The following CSN3 variants were observed in gnomAD, a reference collection of about 807,000 sequenced individuals.
CSN3 encodes kappa-casein.
A neutral mutation model predicts 9.9 loss-of-function variants in CSN3; 7 were observed. The ratio of observed to expected loss-of-function variants is 0.71; its 90% confidence interval spans 0.40 to 1.33. CSN3 has a LOEUF of 1.33. CSN3 is among the 40% of genes most tolerant of loss of function. CSN3 has a pLI of 0.01. For synonymous variants in CSN3, 88 were observed against 82.3 expected (o/e 1.07, Z -0.37); for missense variants, 253 against 227.9 (o/e 1.11, Z -0.71).
chr4:70,247,072 G>C (rs1730392601), intron 2 of CSN3, among the ~76,000 whole-genome samples: 5 of 152,018 alleles, frequency 3.3e-5, no homozygotes, highest in African/African-American at 1.2e-4. Flanking sequence ...TCAATTTTCT[G>C]ATTTTCTATA....
At chr4:70,247,909 G>T (rs1489698717) in intron 3 of CSN3, 59 bp downstream of exon 3, 2 of 1,324,770 alleles carry the variant, frequency 1.5e-6, no homozygotes, top group African/African-American at 3.0e-5. Context: ...ATTCTGCAAA[G>T]GTCAATTGTA....
At chr4:70,247,764 T>TTTTTTTTC in intron 2 of CSN3, 54 bp from the exon 3 acceptor site, 1 of 1,407,842 alleles carries the variant, frequency 7.1e-7, no homozygotes. Flanking sequence ...TTTAAGTACT[T>TTTTTTTTC]TTTTTTTCTT....
intron 3 of CSN3, among the ~76,000 whole-genome samples, 195 bp from the exon 4 acceptor site, chr4:70,248,803 A>G (rs571395261): frequency 6.6e-6 from 1 of 151,996 alleles, no homozygotes; most frequent in East Asian, 1.9e-4. Context: ...AATAATATTT[A>G]TAATATTGAA....
At chr4:70,243,692 T>C (rs543139860) in intron 1 of CSN3, among the ~76,000 whole-genome samples, 1 of 152,058 alleles carries the variant, frequency 6.6e-6, no homozygotes, top group Non-Finnish European at 1.5e-5. Context: ...AAACATAATA[T>C]ATACTTAAAT....
upstream of CSN3, among the ~76,000 whole-genome samples, chr4:70,242,280 T>TAAAAAGAC (rs1560495253): frequency 1.1e-4 from 2 of 18,646 alleles, no homozygotes; most frequent in Non-Finnish European, 1.9e-4. Context: ...GCATTTCTTT[T>TAAAAAGAC]TTATTTTATT....
At chr4:70,245,219 C>T (rs954582864) in intron 2 of CSN3, among the ~76,000 whole-genome samples, 1 of 151,996 alleles carries the variant, frequency 6.6e-6, no homozygotes, top group Non-Finnish European at 1.5e-5. Context: ...AGAATAAATA[C>T]AGAAATCATA....
chr4:70,249,070 A>G, exon 4 of CSN3: 1 of 1,613,984 alleles, frequency 6.2e-7, no homozygotes. Flanking sequence ...TGTGCCAAAT[A>G]GCTATCCTTA....
intron 1 of CSN3, 24 bp from the exon 2 acceptor site, chr4:70,244,788 A>ATT: frequency 7.2e-7 from 1 of 1,388,506 alleles, no homozygotes; most frequent in Non-Finnish European, 9.7e-7. Context: ...TTTTAAATTA[A>ATT]TTTTTTTTTA....
chr4:70,249,508 T>A lies in CSN3; in HGVS notation c.*34+15T>A. ...ACACAACGCAGGTAAATTAACAGTATATAAAATGAGTAATTCCGACAAGAA... is the reference window on the plus strand; with the variant it reads ...ACACAACGCAGGTAAATTAACAGTAAATAAAATGAGTAATTCCGACAAGAA... On this transcript the variant is annotated intron_variant, in intron 4 of 4. Transcript: ENST00000304954. 1 of 1,409,652 alleles carries A rather than the reference T, an allele frequency of 7.1e-7. No individual in the cohort carries two copies. Among genetic ancestry groups the A allele is most frequent in the Non-Finnish European group, 9.9e-7 (1 of 1,014,950 alleles). The allele number at this position is 1,409,652 out of a possible 1,614,324, so 87.3% of individuals were successfully genotyped here.
intron 2 of CSN3, among the ~76,000 whole-genome samples, chr4:70,246,638 T>A (rs1021391225): frequency 1.3e-5 from 2 of 151,600 alleles, no homozygotes; most frequent in Non-Finnish European, 2.9e-5. Context: ...CAGAATTTTT[T>A]AAAGTATACT....
chr4:70,249,813 A>G (rs1175368624), intron 4 of CSN3, among the ~76,000 whole-genome samples: 1 of 152,238 alleles, frequency 6.6e-6, no homozygotes, highest in African/African-American at 2.4e-5. Flanking sequence ...CTATGACAGT[A>G]GAGTAAAACA....
At chr4:70,250,774 G>T (rs1285990368) in intron 4 of CSN3, among the ~76,000 whole-genome samples, 3 of 152,114 alleles carry the variant, frequency 2.0e-5, no homozygotes, top group Non-Finnish European at 2.9e-5. Flanking sequence ...AGATAGTGGG[G>T]TTTAATTACT....
chr4:70,240,627 T>C (rs940234372), upstream of CSN3, among the ~76,000 whole-genome samples: 3 of 151,960 alleles, frequency 2.0e-5, no homozygotes, highest in Non-Finnish European at 4.4e-5. Flanking sequence ...ATCCATCTAA[T>C]TCATCTACTC....
chr4:70,250,567 C>T (rs1315739645), intron 4 of CSN3, among the ~76,000 whole-genome samples: 1 of 152,104 alleles, frequency 6.6e-6, no homozygotes, highest in Admixed American at 6.6e-5. Flanking sequence ...AAGTAAAATT[C>T]ATACCAGTAT....
At chr4:70,251,007 A>AAT (rs1277269587) in intron 4 of CSN3, among the ~76,000 whole-genome samples, 1 of 152,238 alleles carries the variant, frequency 6.6e-6, no homozygotes, top group Non-Finnish European at 1.5e-5. Context: ...CAAGTTATTT[A>AAT]ATAAGTAGTT....
chr4:70,240,511 T>C (rs1465879965), upstream of CSN3, among the ~76,000 whole-genome samples: 1 of 152,002 alleles, frequency 6.6e-6, no homozygotes, highest in Non-Finnish European at 1.5e-5. Flanking sequence ...GGAGGCCTTG[T>C]TCAGCACCAT....
chr4:70,240,082 G>GA (rs1220165066), upstream of CSN3, among the ~76,000 whole-genome samples: 3 of 151,534 alleles, frequency 2.0e-5, no homozygotes, highest in African/African-American at 7.3e-5. Context: ...AAATGAGACA[G>GA]AAAAAATAAA....
At chr4:70,243,986 T>C (rs1204242602) in intron 1 of CSN3, among the ~76,000 whole-genome samples, 1 of 152,078 alleles carries the variant, frequency 6.6e-6, no homozygotes, top group African/African-American at 2.4e-5. Context: ...GGATTGATCA[T>C]GGAATTATAG....
chr4:70,242,272 A>G (rs536599634), upstream of CSN3, among the ~76,000 whole-genome samples: 58 of 131,634 alleles, frequency 4.4e-4, 1 homozygote, highest in African/African-American at 1.4e-3. Flanking sequence ...CCTTCTCTGC[A>G]TTTCTTTTTT....
Sources: allele counts gnomAD v4.1 joint callset (sites outside exome capture counted in the v4.1 genomes callset), GRCh38; gene constraint gnomAD v4.1.1; transcripts MANE v1.5; gene names NCBI Gene and HGNC (gene_info 2026-07-23, HGNC 2026-07-21).